The following RTN3 variants were observed in gnomAD, a reference collection of about 807,000 sequenced individuals.
RTN3 encodes reticulon-3.
In RTN3, 49 loss-of-function variants were observed where a neutral mutation model predicts 77.8. The observed-to-expected ratio is 0.63, with a 90% CI of 0.50 to 0.80. The LOEUF is 0.80. Ranked by LOEUF, RTN3 falls within the 30% of genes least tolerant of loss-of-function variation. RTN3 has a pLI of 0.00. For missense variants in RTN3, 1,236 were observed against 1,211.9 expected (o/e 1.02, Z -0.29); for synonymous variants, 464 against 446.9 (o/e 1.04, Z -0.48).
intron 4 of RTN3, chr11:63,750,448 C>T: frequency 2.4e-6 from 1 of 420,694 alleles, no homozygotes; most frequent in South Asian, 3.4e-5. Flanking sequence ...AAAGAAGACT[C>T]TAAATTCTTT....
chr11:63,691,240 C>T (rs1941642288), intron 1 of RTN3, among the ~76,000 whole-genome samples: 1 of 151,122 alleles, frequency 6.6e-6, no homozygotes, highest in Non-Finnish European at 1.5e-5. Flanking sequence ...CCTGCTTCAG[C>T]CTCCCAAGTA....
chr11:63,706,177 T>A (rs1212258496), intron 2 of RTN3, among the ~76,000 whole-genome samples: 2 of 152,040 alleles, frequency 1.3e-5, no homozygotes, highest in Non-Finnish European at 1.5e-5. Context: ...ATTTTTTTTT[T>A]AATTTGTTGT....
chr11:63,717,112 A>C (rs1337294845), intron 2 of RTN3, among the ~76,000 whole-genome samples: 1 of 151,924 alleles, frequency 6.6e-6, no homozygotes, highest in Non-Finnish European at 1.5e-5. Context: ...GCAGTGAGCC[A>C]CAATTGTACC....
chr11:63,749,076 G>C (rs1307205806), intron 3 of RTN3, among the ~76,000 whole-genome samples: 1 of 152,160 alleles, frequency 6.6e-6, no homozygotes, highest in Non-Finnish European at 1.5e-5. Context: ...GAAGCCAGGA[G>C]TTCGAGACTA....
At chr11:63,728,796 A>G (rs2012461487) in intron 3 of RTN3, among the ~76,000 whole-genome samples, 1 of 151,818 alleles carries the variant, frequency 6.6e-6, no homozygotes, top group Non-Finnish European at 1.5e-5. Flanking sequence ...CTGAGGCAAG[A>G]GAATCACTTG....
At chr11:63,716,981 A>AAG (rs2011446342) in intron 2 of RTN3, among the ~76,000 whole-genome samples, 1 of 147,392 alleles carries the variant, frequency 6.8e-6, no homozygotes. Flanking sequence ...AAAAAAAACA[A>AAG]AAAAAAAAAA....
At chr11:63,751,185 A>T (rs970588990) in intron 4 of RTN3, among the ~76,000 whole-genome samples, 1 of 152,156 alleles carries the variant, frequency 6.6e-6, no homozygotes, top group African/African-American at 2.4e-5. Flanking sequence ...TAAATTCTTG[A>T]GCAGGGCAGG....
chr11:63,753,163 C>A (rs1284868963), intron 6 of RTN3, 25 bp downstream of exon 6: 1 of 1,601,732 alleles, frequency 6.2e-7, no homozygotes. Flanking sequence ...AGAATGTGCC[C>A]ATGCTCTTTG....
At chr11:63,722,700 A>G (rs1002057492) in intron 3 of RTN3, among the ~76,000 whole-genome samples, 3 of 152,216 alleles carry the variant, frequency 2.0e-5, no homozygotes, top group African/African-American at 7.2e-5. Context: ...ATTAAAGAGT[A>G]CTAGGTTCTA....
Position 63,704,833 on chromosome 11 carries a change from C to T in RTN3, c.143-18C>T, listed in dbSNP as rs549294567. 74 of 1,581,818 alleles carry T rather than the reference C, an allele frequency of 4.7e-5. No homozygotes were observed. The highest frequency in any genetic ancestry group is 2.6e-5 in the Non-Finnish European group (30 of 1,151,324). On this transcript the variant is annotated intron_variant, in intron 1 of 8. Transcript: ENST00000377819. ...TGTGTGAGGTTGTCATATTCTCATG[C>T]TGTATATTTTCTTTCAGATTCCTTT... is the stretch of plus-strand genomic sequence containing the variant.
intron 3 of RTN3, 37 bp downstream of exon 3, chr11:63,721,069 T>G: frequency 6.6e-7 from 1 of 1,514,574 alleles, no homozygotes; most frequent in Non-Finnish European, 8.9e-7. Context: ...TGTGGTTAAT[T>G]CTGTGATTGA....
intron 1 of RTN3, among the ~76,000 whole-genome samples, chr11:63,682,806 G>A (rs1448221645): frequency 6.6e-6 from 1 of 151,960 alleles, no homozygotes; most frequent in Non-Finnish European, 1.5e-5. Context: ...CTCCCCTTAT[G>A]CAGAAATCTG....
intron 1 of RTN3, among the ~76,000 whole-genome samples, chr11:63,684,076 C>T (rs1941221534): frequency 1.4e-5 from 2 of 145,618 alleles, no homozygotes; most frequent in African/African-American, 2.6e-5. Flanking sequence ...TTCAGCCACC[C>T]GAGTAGCTGG....
rs899311282 is a variant in RTN3, at chr11:63,684,152, T to C, written c.142+2374T>C. Among the ~76,000 whole-genome samples the C allele has an allele frequency of 7.3e-3, 776 of 105,778 alleles. 22 individuals carry two copies. In the East Asian group the frequency reaches 0.11, roughly 15 times the overall value. The allele number at this position is 105,778 out of a possible 152,430, so 69.4% of individuals were successfully genotyped here. ...TGGTTTTTTTTTTTTTTTTTTTTTTTTTGGTTTTTTTTTTGAGACGGAGTC... is the reference window on the plus strand; with the variant it reads ...TGGTTTTTTTTTTTTTTTTTTTTTTCTTGGTTTTTTTTTTGAGACGGAGTC... On this transcript the variant is annotated intron_variant, in intron 1 of 8. Transcript: ENST00000377819.
At chr11:63,744,129 G>C (rs747136916) in intron 3 of RTN3, among the ~76,000 whole-genome samples, 4 of 149,830 alleles carry the variant, frequency 2.7e-5, no homozygotes, top group Non-Finnish European at 1.5e-5. Context: ...TGTAATGTCA[G>C]CTACTCGAAG....
intron 2 of RTN3, among the ~76,000 whole-genome samples, chr11:63,708,206 A>C (rs1243160521): frequency 6.6e-6 from 1 of 152,184 alleles, no homozygotes; most frequent in Non-Finnish European, 1.5e-5. Flanking sequence ...ACCTGCATGC[A>C]CTTTGAGTCC....
chr11:63,731,470 A>G (rs2012687248), intron 3 of RTN3, among the ~76,000 whole-genome samples: 2 of 152,212 alleles, frequency 1.3e-5, no homozygotes, highest in South Asian at 4.1e-4. Context: ...TGATGAAGAC[A>G]ACATCTAGGA....
intron 3 of RTN3, among the ~76,000 whole-genome samples, chr11:63,727,704 C>A (rs1250700830): frequency 6.6e-6 from 1 of 152,088 alleles, no homozygotes; most frequent in African/African-American, 2.4e-5. Context: ...CAGTGGCTCA[C>A]GTCTGTAATC....
chr11:63,701,257 G>C (rs1272094026), intron 1 of RTN3, among the ~76,000 whole-genome samples: 2 of 151,844 alleles, frequency 1.3e-5, no homozygotes, highest in Non-Finnish European at 2.9e-5. Context: ...CTCTTTTCCA[G>C]AATGTCATAT....
Sources: gnomAD v4.1 joint callset for allele counts (sites outside exome capture counted in the v4.1 genomes callset) on GRCh38, gnomAD v4.1.1 for gene constraint, MANE v1.5 for transcripts, NCBI Gene and HGNC (gene_info 2026-07-23, HGNC 2026-07-21) for gene names.